The following LHX4 variants were observed in gnomAD, a reference collection of about 807,000 sequenced individuals.
LHX4 encodes LIM/homeobox protein Lhx4.
LHX4 carries 16 observed loss-of-function variants against 39.2 expected under a neutral mutation model. The observed-to-expected ratio is 0.41, with a 90% confidence interval of 0.28 to 0.62. The LOEUF (loss-of-function observed/expected upper bound fraction) is 0.62, where lower values mean the gene tolerates loss of function less well. LHX4 is among the 20% of genes least tolerant of loss of function. The pLI, the probability that LHX4 is intolerant of heterozygous loss-of-function variation, is 0.33. For missense variants in LHX4, 439 were observed against 511.9 expected (o/e 0.86, Z 1.37); for synonymous variants, 206 against 198.1 (o/e 1.04, Z -0.33).
chr1:180,241,095 C>T (rs1664436933), intron 1 of LHX4, among the ~76,000 whole-genome samples: 1 of 152,212 alleles, frequency 6.6e-6, no homozygotes, highest in African/African-American at 2.4e-5. Flanking sequence ...GGATACATTA[C>T]AGCAACAGTG....
At chr1:180,250,745 G>C (rs554398900) in intron 2 of LHX4, among the ~76,000 whole-genome samples, 77 of 152,324 alleles carry the variant, frequency 5.1e-4, no homozygotes, top group East Asian at 4.8e-3. Flanking sequence ...ACCCTGAGTG[G>C]CTGGCTATGG....
chr1:180,231,405 C>G (rs1043889695), intron 1 of LHX4, among the ~76,000 whole-genome samples: 2 of 151,738 alleles, frequency 1.3e-5, no homozygotes, highest in South Asian at 2.1e-4. Flanking sequence ...AGCCGGAGCT[C>G]GCGGCGTGTT....
chr1:180,248,787 C>T lies in LHX4; in HGVS notation c.248+331C>T, dbSNP rs183559535. 3.6e-5 allele frequency: 14 copies of T among 384,682 alleles called. No homozygotes were observed. The East Asian group carries it at 6.8e-4, about 19-fold the overall frequency. The allele number at this position is 384,682 out of a possible 1,614,324, so 23.8% of individuals were successfully genotyped here. ...CTCCAAAGAGCAACAGAAAGAGTTG[C>T]TCTTTCTGTCCTGATATATTGGTGC... On this transcript the variant is annotated intron_variant, in intron 2 of 5. Transcript: ENST00000263726.
intron 2 of LHX4, among the ~76,000 whole-genome samples, chr1:180,252,526 G>A (rs906711035): frequency 1.3e-5 from 2 of 152,146 alleles, no homozygotes; most frequent in African/African-American, 4.8e-5. Flanking sequence ...TTCAGAGGTG[G>A]GGGCAGGGCT....
intron 2 of LHX4, among the ~76,000 whole-genome samples, chr1:180,263,717 C>T (rs564854007): frequency 2.6e-5 from 4 of 152,302 alleles, no homozygotes; most frequent in African/African-American, 7.2e-5. Context: ...TAAATTTATA[C>T]CCCCGTTATC....
Position 180,239,857 on chromosome 1 carries a change from A to G in LHX4, c.77-8428A>G, listed in dbSNP as rs557951335. Among the ~76,000 whole-genome samples, 289 of 152,206 alleles carry G rather than the reference A, an allele frequency of 1.9e-3. 1 individual carries two copies. Among genetic ancestry groups the G allele is most frequent in the Non-Finnish European group, 3.2e-3 (221 of 68,036 alleles). ...CTCAGAGACTGGGATCACAGCTCCC[A>G]TTTCACAGACACAGCCGCCCCTGGG... On this transcript the variant is annotated intron_variant, in intron 1 of 5. Coordinates refer to ENST00000263726, the MANE Select transcript of LHX4 (RefSeq NM_033343.4).
chr1:180,258,082 T>C (rs141605821), intron 2 of LHX4, among the ~76,000 whole-genome samples: 1 of 152,316 alleles, frequency 6.6e-6, no homozygotes, highest in African/African-American at 2.4e-5. Flanking sequence ...CTGGATTCAG[T>C]AGTGAACAAG....
chr1:180,274,082 C>T lies in LHX4; in HGVS notation c.779-103C>T, dbSNP rs1037861690. ...TGCTTGGCTGCAAGGCAGCTGCCAT[C>T]CTTGGGCATCTTTCCTGGTCATGTG... On this transcript the variant is annotated intron_variant, in intron 5 of 5. Transcript: ENST00000263726. The T allele has an allele frequency of 4.1e-6, 6 of 1,455,218 alleles. No individual in the cohort carries two copies. In the East Asian group the frequency reaches 1.4e-4, roughly 33 times the overall value. The allele number at this position is 1,455,218 out of a possible 1,614,324, so 90.1% of individuals were successfully genotyped here. A position where few individuals can be genotyped will look rare whatever the true frequency, so the allele number is the denominator to read the frequency against.
Position 180,250,323 on chromosome 1 carries a change from T to TTGTG in LHX4, c.248+1890_248+1893dup, listed in dbSNP as rs757617473. Among the ~76,000 whole-genome samples the TTGTG allele has an allele frequency of 1.3e-4, 16 of 119,698 alleles. No individual in the cohort carries two copies. The East Asian group carries it at 1.8e-3, about 13-fold the overall frequency. 78.5% of individuals were successfully genotyped at this position (119,698 alleles called of 152,430 possible). A position where few individuals can be genotyped will look rare whatever the true frequency, so the allele number is the denominator to read the frequency against. ...CTGGGTGGAGTGAATTTCCCTGTGT[T>TTGTG]TGTGTGTGTGTGTGTGTGTGTGTGT... On this transcript the variant is annotated intron_variant, in intron 2 of 5. Transcript: ENST00000263726.
chr1:180,267,439 C>A (rs1478814721), intron 3 of LHX4, among the ~76,000 whole-genome samples: 2 of 152,236 alleles, frequency 1.3e-5, no homozygotes, highest in Admixed American at 6.5e-5. Flanking sequence ...AGCGTAGAGC[C>A]CAGAACAACA....
intron 2 of LHX4, among the ~76,000 whole-genome samples, chr1:180,255,108 C>T (rs561283015): frequency 2.6e-5 from 4 of 152,250 alleles, no homozygotes; most frequent in South Asian, 4.1e-4. Context: ...TCAGCGCTCG[C>T]TCGCATCAAA....
At chr1:180,235,784 G>T (rs1309052170) in intron 1 of LHX4, among the ~76,000 whole-genome samples, 1 of 152,206 alleles carries the variant, frequency 6.6e-6, no homozygotes, top group Non-Finnish European at 1.5e-5. Flanking sequence ...GCGAGGTGGC[G>T]CGGGCCACCG....
rs893308646 is a variant in LHX4 at position 180,230,674 on chromosome 1, CGGGCCGGACGCCGCTCAGGGGCCGGGAG to C, written c.76+74_76+101del. The C allele has an allele frequency of 6.8e-7, 1 of 1,463,096 alleles. No individual in the cohort carries two copies. Among genetic ancestry groups the C allele is most frequent in the Non-Finnish European group, 9.5e-7 (1 of 1,050,476 alleles). The allele number at this position is 1,463,096 out of a possible 1,614,324, so 90.6% of individuals were successfully genotyped here. A position where few individuals can be genotyped will look rare whatever the true frequency, so the allele number is the denominator to read the frequency against. Reference sequence around the variant, plus strand: ...GCTAGCAGCCTCAGCCGCTGCGGGGCGGGCCGGACGCCGCTCAGGGGCCGGGAGGGGCTGGCGGCCGGGGCGCAGAGGC... The same window carrying C: ...GCTAGCAGCCTCAGCCGCTGCGGGGCGGGCTGGCGGCCGGGGCGCAGAGGC... On this transcript the variant is annotated intron_variant, in intron 1 of 5. Transcript: ENST00000263726. This position sits in a 1 kb window ranked among gnomAD's most constrained non-coding sequence, Gnocchi z 5.8.
At chr1:180,267,916 T>C (rs568393602) in intron 3 of LHX4, among the ~76,000 whole-genome samples, 1 of 152,246 alleles carries the variant, frequency 6.6e-6, no homozygotes, top group South Asian at 2.1e-4. Context: ...TGGGTTTGGC[T>C]TTGGTCCATG....
Position 180,276,061 on chromosome 1 carries a change from C to G in LHX4, c.*1482C>G, listed in dbSNP as rs546424215. 36 of 146,924 alleles carry G rather than the reference C, an allele frequency of 2.5e-4. No homozygotes were observed. The highest frequency in any genetic ancestry group is 3.9e-4 in the Non-Finnish European group (26 of 67,204). The allele number at this position is 146,924 out of a possible 1,614,324, so 9.1% of individuals were successfully genotyped here. A position where few individuals can be genotyped will look rare whatever the true frequency, so the allele number is the denominator to read the frequency against. ...CATGTGCAAACTGGAATTTAGCCAG[C>G]TGGAATTTATTCCTGTCCCTCTGGG... is the stretch of plus-strand genomic sequence containing the variant. On this transcript the variant is annotated 3_prime_UTR_variant, in exon 6 of 6. Coordinates refer to ENST00000263726, the MANE Select transcript of LHX4 (RefSeq NM_033343.4).
At chr1:180,254,399 C>T (rs1332088069) in intron 2 of LHX4, among the ~76,000 whole-genome samples, 1 of 152,242 alleles carries the variant, frequency 6.6e-6, no homozygotes, top group African/African-American at 2.4e-5. Flanking sequence ...CCTCCCCCAG[C>T]CTGCCAGTCT....
chr1:180,236,954 T>A (rs975321423), intron 1 of LHX4, among the ~76,000 whole-genome samples: 1 of 152,146 alleles, frequency 6.6e-6, no homozygotes, highest in East Asian at 1.9e-4. Context: ...CGATTTTACT[T>A]TTGTAACAAT....
chr1:180,231,507 G>A (rs1664178627), intron 1 of LHX4, among the ~76,000 whole-genome samples: 1 of 150,402 alleles, frequency 6.6e-6, no homozygotes, highest in South Asian at 2.1e-4. Flanking sequence ...CTGAGCGAGA[G>A]TCCCCGAGAG....
chr1:180,244,427 TTGTC>T lies in LHX4; in HGVS notation c.77-3851_77-3848del, dbSNP rs930310535. Among the ~76,000 whole-genome samples, 29 of 152,228 alleles carry T rather than the reference TTGTC, an allele frequency of 1.9e-4. No homozygotes were observed. In the South Asian group the frequency reaches 4.2e-3, roughly 22 times the overall value. On this transcript the variant is annotated intron_variant, in intron 1 of 5. Coordinates refer to ENST00000263726, the MANE Select transcript of LHX4 (RefSeq NM_033343.4). ...CCTCCAAGCTCGAGGCTGAAACGAC[TTGTC>T]TGTCTGCTTTTAGTGTTGTTCCTCA...
Sources: allele counts gnomAD v4.1 joint callset (sites outside exome capture counted in the v4.1 genomes callset), GRCh38; gene constraint gnomAD v4.1.1; non-coding constraint Gnocchi (gnomAD v3.1); transcripts MANE v1.5; gene names NCBI Gene and HGNC (gene_info 2026-07-23, HGNC 2026-07-21).